Variants in HTR1F observed in about 807,000 individuals in gnomAD.
HTR1F encodes 5-hydroxytryptamine receptor 1F.
Under a neutral mutation model 24.0 loss-of-function variants are expected in HTR1F, and 17 were observed. That is an observed-to-expected ratio of 0.71 (90% CI 0.48 to 1.06). The LOEUF (loss-of-function observed/expected upper bound fraction) is 1.06, where lower values mean the gene tolerates loss of function less well. Ranked by LOEUF, HTR1F falls within the 50% of genes least tolerant of loss-of-function variation. The pLI, the probability that HTR1F is intolerant of heterozygous loss-of-function variation, is 0.00. For synonymous variants in HTR1F, 186 were observed against 156.8 expected (o/e 1.19, Z -1.39); for missense variants, 391 against 427.8 (o/e 0.91, Z 0.76).
Position 87,933,051 on chromosome 3 carries a change from A to T in HTR1F, c.-42-57657A>T, listed in dbSNP as rs567300315. Reference sequence around the variant, plus strand: ...CTGGGATGCAAGGCTGGTTCAATATATGCAAATCAATAAATGTAATCCAGC... The same window carrying T: ...CTGGGATGCAAGGCTGGTTCAATATTTGCAAATCAATAAATGTAATCCAGC... On this transcript the variant is annotated intron_variant, in intron 2 of 2. Coordinates refer to ENST00000319595, the MANE Select transcript of HTR1F (RefSeq NM_001322209.2). Among the ~76,000 whole-genome samples the T allele has an allele frequency of 4.0e-5, 6 of 150,008 alleles. No homozygotes were observed. In the South Asian group the frequency reaches 1.3e-3, roughly 32 times the overall value.
At chr3:87,949,544 A>T (rs1407381405) in intron 2 of HTR1F, among the ~76,000 whole-genome samples, 1 of 152,212 alleles carries the variant, frequency 6.6e-6, no homozygotes, top group Non-Finnish European at 1.5e-5. Context: ...AGTTCAAAGA[A>T]AAGCCACAAT....
Position 87,853,866 on chromosome 3 carries a change from A to G in HTR1F, c.-43+31742A>G, listed in dbSNP as rs1272945667. Among the ~76,000 whole-genome samples the G allele has an allele frequency of 3.9e-5, 6 of 152,048 alleles. No homozygotes were observed. The East Asian group carries it at 1.2e-3, about 29-fold the overall frequency. ...TGTTGGCCACACGTATGCTTCTTTT[A>G]ACGAGTGTCTGTTCATGTTCTTTGT... On this transcript the variant is annotated intron_variant, in intron 2 of 2. Coordinates refer to ENST00000319595, the MANE Select transcript of HTR1F (RefSeq NM_001322209.2).
intron 2 of HTR1F, among the ~76,000 whole-genome samples, chr3:87,935,317 C>T (rs1270800704): frequency 1.3e-5 from 2 of 152,196 alleles, no homozygotes; most frequent in Admixed American, 1.3e-4. Context: ...CTCTCACCAA[C>T]AGGTTCTATT....
intron 1 of HTR1F, among the ~76,000 whole-genome samples, chr3:87,812,397 A>G (rs148809960): frequency 1.1e-3 from 169 of 150,556 alleles, no homozygotes; most frequent in Non-Finnish European, 2.1e-3. Context: ...CACGCTTACT[A>G]TGCTTTAGCA....
intron 2 of HTR1F, among the ~76,000 whole-genome samples, chr3:87,911,779 T>A (rs900447560): frequency 6.6e-6 from 1 of 152,106 alleles, no homozygotes; most frequent in African/African-American, 2.4e-5. Flanking sequence ...AATCAATAAA[T>A]GTGATTAACC....
chr3:87,819,284 A>G (rs1449368546), intron 1 of HTR1F, among the ~76,000 whole-genome samples: 5 of 152,132 alleles, frequency 3.3e-5, no homozygotes, highest in Admixed American at 6.6e-5. Flanking sequence ...CCACAACCAG[A>G]CACACATATG....
intron 2 of HTR1F, among the ~76,000 whole-genome samples, chr3:87,835,595 A>G (rs1196436602): frequency 5.3e-5 from 8 of 152,176 alleles, no homozygotes; most frequent in African/African-American, 1.9e-4. Flanking sequence ...AGCAGTTAGC[A>G]ATGTTCTTGG....
chr3:87,878,835 T>G (rs1316170978), intron 2 of HTR1F, among the ~76,000 whole-genome samples: 4 of 152,204 alleles, frequency 2.6e-5, no homozygotes, highest in Non-Finnish European at 4.4e-5. Flanking sequence ...TGCTTGAACT[T>G]GAGTTCATCT....
chr3:87,827,446 T>C (rs1193141325), intron 2 of HTR1F, among the ~76,000 whole-genome samples: 1 of 152,204 alleles, frequency 6.6e-6, no homozygotes, highest in Non-Finnish European at 1.5e-5. Context: ...TCCTGTGTCA[T>C]AAACAAGTGT....
At chr3:87,840,685 T>A (rs72911672) in intron 2 of HTR1F, among the ~76,000 whole-genome samples, 10,452 of 150,640 alleles carry the variant, frequency 0.069, 1,330 homozygotes, top group African/African-American at 0.24. Flanking sequence ...AGCTCAATAT[T>A]GTTCATCATT....
At chr3:87,978,022 T>C (rs1207070834) in intron 2 of HTR1F, among the ~76,000 whole-genome samples, 1 of 152,062 alleles carries the variant, frequency 6.6e-6, no homozygotes, top group Non-Finnish European at 1.5e-5. Context: ...AGTGAGTGAG[T>C]GCAGGGTCCA....
chr3:87,874,802 T>C (rs1342591551), intron 2 of HTR1F, among the ~76,000 whole-genome samples: 5 of 152,048 alleles, frequency 3.3e-5, no homozygotes, highest in African/African-American at 1.2e-4. Context: ...GGCAGACATA[T>C]AGACTAGTGG....
At position 87,844,536 on chromosome 3, in the gene HTR1F, G is replaced by A. The variant is rs1704892340; in HGVS notation, c.-43+22412G>A. On this transcript the variant is annotated intron_variant, in intron 2 of 2. Coordinates refer to ENST00000319595, the MANE Select transcript of HTR1F (RefSeq NM_001322209.2). ...GTGCAGAAGCTCTTTAGTTTAATTA[G>A]ATCCCATTTGTCAATTTTGGCTTTT... Among the ~76,000 whole-genome samples, 3 of 131,674 alleles carry A rather than the reference G, an allele frequency of 2.3e-5. No homozygotes were observed. The South Asian group carries it at 7.5e-4, about 33-fold the overall frequency. 86.4% of individuals were successfully genotyped at this position (131,674 alleles called of 152,430 possible).
intron 2 of HTR1F, among the ~76,000 whole-genome samples, chr3:87,845,489 T>A (rs112158463): frequency 0.12 from 17,923 of 147,412 alleles, 1,467 homozygotes; most frequent in African/African-American, 0.22. Context: ...CACAATTGCT[T>A]CAAAGAGAAT....
At chr3:87,850,099 C>A (rs1216416061) in intron 2 of HTR1F, among the ~76,000 whole-genome samples, 3 of 151,906 alleles carry the variant, frequency 2.0e-5, no homozygotes. Context: ...CCAGCCATCC[C>A]ATTACTGGGT....
At chr3:87,944,547 G>C (rs150084747) in intron 2 of HTR1F, among the ~76,000 whole-genome samples, 1 of 151,856 alleles carries the variant, frequency 6.6e-6, no homozygotes, top group African/African-American at 2.4e-5. Flanking sequence ...AGGTCTGGTC[G>C]GACCTTTGTA....
intron 1 of HTR1F, among the ~76,000 whole-genome samples, chr3:87,818,451 A>C (rs1704291050): frequency 6.6e-6 from 1 of 152,160 alleles, no homozygotes; most frequent in Admixed American, 6.5e-5. Context: ...CTACTTGCAA[A>C]GTGAGGCATC....
At chr3:87,835,373 C>G (rs1298555194) in intron 2 of HTR1F, among the ~76,000 whole-genome samples, 1 of 149,836 alleles carries the variant, frequency 6.7e-6, no homozygotes, top group Non-Finnish European at 1.5e-5. Flanking sequence ...AATCTCAAGA[C>G]AGCAACCACA....
chr3:87,923,660 A>C (rs1704059756), intron 2 of HTR1F, among the ~76,000 whole-genome samples: 1 of 151,930 alleles, frequency 6.6e-6, no homozygotes, highest in African/African-American at 2.4e-5. Context: ...ATTGTTTTGA[A>C]GTATGTTTCT....
Sources: gnomAD v4.1 joint callset for allele counts (sites outside exome capture counted in the v4.1 genomes callset) on GRCh38, gnomAD v4.1.1 for gene constraint, MANE v1.5 for transcripts, NCBI Gene and HGNC (gene_info 2026-07-23, HGNC 2026-07-21) for gene names.